The following POTEJ variants were observed in gnomAD, a reference collection of about 807,000 sequenced individuals.
POTEJ encodes the protein POTE ankyrin domain family, member J.
Under a neutral mutation model 69.0 loss-of-function variants are expected in POTEJ, and 11 were observed. The observed-to-expected ratio is 0.16, with a 90% CI of 0.10 to 0.26. The LOEUF is 0.26. POTEJ is among the 10% of genes least tolerant of loss of function. The pLI is 1.00. For synonymous variants in POTEJ, 117 were observed against 381.1 expected (o/e 0.31, Z 8.07); for missense variants, 327 against 1,045.5 (o/e 0.31, Z 9.48).
intron 10 of POTEJ, among the ~76,000 whole-genome samples, chr2:130,641,178 C>A (rs1204415614): frequency 6.6e-6 from 1 of 152,066 alleles, no homozygotes; most frequent in Non-Finnish European, 1.5e-5. Flanking sequence ...TGGATTTGGC[C>A]TGTGGCCTAT....
At chr2:130,628,864 G>A (rs532299576) in intron 6 of POTEJ, among the ~76,000 whole-genome samples, 31 of 147,844 alleles carry the variant, frequency 2.1e-4, no homozygotes, top group East Asian at 1.4e-3. Context: ...CTAAAAACAC[G>A]AAAATTAGCA....
intron 10 of POTEJ, among the ~76,000 whole-genome samples, chr2:130,639,133 T>C (rs1573987329): frequency 6.6e-6 from 1 of 152,308 alleles, no homozygotes; most frequent in Admixed American, 6.5e-5. Flanking sequence ...GGAGTGGCTG[T>C]AAATACAGAT....
At chr2:130,647,219 C>T (rs1408016397) in intron 13 of POTEJ, among the ~76,000 whole-genome samples, 1 of 150,146 alleles carries the variant, frequency 6.7e-6, no homozygotes, top group Non-Finnish European at 1.5e-5. Flanking sequence ...TTTGATGACA[C>T]ATCTTAAGAG....
chr2:130,634,879 T>C (rs571571928), intron 9 of POTEJ, among the ~76,000 whole-genome samples: 1,597 of 151,346 alleles, frequency 0.011, no homozygotes, highest in Middle Eastern at 0.021. Flanking sequence ...ATTTCAGCAG[T>C]CCTCCAACAT....
At chr2:130,633,018 T>A (rs1382267385) in intron 9 of POTEJ, among the ~76,000 whole-genome samples, 2 of 146,414 alleles carry the variant, frequency 1.4e-5, no homozygotes, top group Non-Finnish European at 3.0e-5. Context: ...CAAAAGTTAG[T>A]TTTTTGGTCA....
At chr2:130,655,525 G>A (rs1686955270) in intron 14 of POTEJ, among the ~76,000 whole-genome samples, 1 of 152,244 alleles carries the variant, frequency 6.6e-6, no homozygotes, top group Admixed American at 6.5e-5. Flanking sequence ...TCAATGTAAA[G>A]AGGTTTGAAA....
chr2:130,657,052 C>A lies in POTEJ; in HGVS notation c.2292C>A (p.His764Gln). 2 of 1,581,424 alleles carry A rather than the reference C, an allele frequency of 1.3e-6. No individual in the cohort carries two copies. The highest frequency in any genetic ancestry group is 8.6e-7 in the Non-Finnish European group (1 of 1,156,946). ...YNELRVAPEE[H>Q]PILLTEAPLN... ...AGCTGCGTGTGGCCCCCGAGGAGCA[C>A]CCCATCCTGCTGACCGAGGCCCCCC... The change falls in exon 15 of 15, where the codon CAC becomes CAA. Residue 764 changes from histidine (H) to glutamine (Q), a missense_variant. His to Gln is a conservative substitution (Grantham distance 24). Coordinates refer to ENST00000409602, the MANE Select transcript of POTEJ (RefSeq NM_001277083.2).
intron 10 of POTEJ, among the ~76,000 whole-genome samples, chr2:130,642,119 T>C (rs1197383052): frequency 6.7e-6 from 1 of 149,818 alleles, no homozygotes; most frequent in Non-Finnish European, 1.5e-5. Context: ...TTCTGCAAAA[T>C]GTGCTTTGTG....
At chr2:130,649,940 A>T (rs1393578612) in intron 13 of POTEJ, among the ~76,000 whole-genome samples, 1 of 152,170 alleles carries the variant, frequency 6.6e-6, no homozygotes, top group Non-Finnish European at 1.5e-5. Flanking sequence ...CCCATTAAGG[A>T]ATAACCACTT....
upstream of POTEJ, among the ~76,000 whole-genome samples, chr2:130,611,302 G>C (rs1162742367): frequency 7.8e-5 from 11 of 140,874 alleles, no homozygotes; most frequent in South Asian, 4.4e-4. Context: ...GTTTTCTTGG[G>C]GGGGGGGGGG....
chr2:130,632,146 G>A (rs1202932435), intron 8 of POTEJ, among the ~76,000 whole-genome samples: 5 of 150,858 alleles, frequency 3.3e-5, no homozygotes, highest in African/African-American at 1.0e-4. Context: ...TTTTATTTGC[G>A]TGTTCCCATG....
intron 6 of POTEJ, among the ~76,000 whole-genome samples, chr2:130,626,791 T>A (rs1237848987): frequency 6.6e-6 from 1 of 152,188 alleles, no homozygotes; most frequent in African/African-American, 2.4e-5. Flanking sequence ...ATACATAAAG[T>A]TAGGAATCTC....
intron 5 of POTEJ, chr2:130,622,838 G>T (rs1285196265): frequency 6.6e-6 from 1 of 151,598 alleles, no homozygotes; most frequent in Non-Finnish European, 1.5e-5. Context: ...GTAGGGCTTT[G>T]TGCTTGCTTC....
intron 10 of POTEJ, among the ~76,000 whole-genome samples, chr2:130,642,276 C>A (rs1221926933): frequency 1.7e-5 from 2 of 116,916 alleles, no homozygotes; most frequent in Non-Finnish European, 3.5e-5. Flanking sequence ...AATTTATGGA[C>A]TGGATGGAAA....
At chr2:130,618,317 C>T (rs1219551054) in intron 3 of POTEJ, among the ~76,000 whole-genome samples, 2 of 152,304 alleles carry the variant, frequency 1.3e-5, no homozygotes, top group African/African-American at 4.8e-5. Context: ...GTCTGTTGCA[C>T]TAGCTTTCAG....
At chr2:130,641,410 A>ATT (rs748769433) in intron 10 of POTEJ, among the ~76,000 whole-genome samples, 14 of 144,534 alleles carry the variant, frequency 9.7e-5, no homozygotes, top group South Asian at 4.3e-4. Context: ...GTTTTGCTTA[A>ATT]TTTTTTTCCT....
intron 6 of POTEJ, among the ~76,000 whole-genome samples, chr2:130,629,096 T>C (rs1441495977): frequency 1.3e-5 from 2 of 152,096 alleles, no homozygotes; most frequent in Non-Finnish European, 2.9e-5. Context: ...TGGGAAGACA[T>C]TGTACACTAA....
At chr2:130,653,817 T>C in intron 13 of POTEJ, among the ~76,000 whole-genome samples, 1 of 3,620 alleles carries the variant, frequency 2.8e-4, no homozygotes. Context: ...CTCAGCTTGG[T>C]TGTAGTTGGT....
At chr2:130,626,939 T>A (rs1685732397) in intron 6 of POTEJ, among the ~76,000 whole-genome samples, 1 of 152,170 alleles carries the variant, frequency 6.6e-6, no homozygotes, top group African/African-American at 2.4e-5. Flanking sequence ...ATTTTGTAAA[T>A]GTTTGTGTTC....
Sources: gnomAD v4.1 joint callset for allele counts (sites outside exome capture counted in the v4.1 genomes callset) on GRCh38, gnomAD v4.1.1 for gene constraint, MANE v1.5 for transcripts, NCBI Gene and HGNC (gene_info 2026-07-23, HGNC 2026-07-21) for gene names.